The following PLA2G4A variants were observed in gnomAD, a reference collection of about 807,000 sequenced individuals.
The protein encoded by PLA2G4A is phospholipase A2 group IVA.
Under a neutral mutation model 81.9 loss-of-function variants are expected in PLA2G4A, and 40 were observed. That is an observed-to-expected ratio of 0.49 (90% CI 0.38 to 0.64). The LOEUF is 0.64. Ranked by LOEUF, PLA2G4A falls within the 30% of genes least tolerant of loss-of-function variation. The pLI, the probability that PLA2G4A is intolerant of heterozygous loss-of-function variation, is 0.00. For synonymous variants in PLA2G4A, 302 were observed against 296.9 expected (o/e 1.02, Z -0.18); for missense variants, 715 against 905.1 (o/e 0.79, Z 2.69).
chr1:186,964,699 C>T (rs1023375458), intron 14 of PLA2G4A, among the ~76,000 whole-genome samples: 2 of 152,202 alleles, frequency 1.3e-5, no homozygotes, highest in African/African-American at 4.8e-5. Context: ...GCATTTATCA[C>T]GTTATGAAGT....
At chr1:186,948,569 C>T (rs975573049) in intron 12 of PLA2G4A, among the ~76,000 whole-genome samples, 1 of 151,528 alleles carries the variant, frequency 6.6e-6, no homozygotes, top group Non-Finnish European at 1.5e-5. Flanking sequence ...GGCTTGCTTC[C>T]TGTGCCCCTC....
intron 13 of PLA2G4A, among the ~76,000 whole-genome samples, chr1:186,954,904 T>A (rs982485396): frequency 6.6e-6 from 1 of 152,210 alleles, no homozygotes; most frequent in Admixed American, 6.5e-5. Flanking sequence ...CTAGCTAGTG[T>A]TTATTAAGAA....
At chr1:186,862,620 C>A (rs921996444) in intron 2 of PLA2G4A, among the ~76,000 whole-genome samples, 2 of 152,142 alleles carry the variant, frequency 1.3e-5, no homozygotes, top group Non-Finnish European at 2.9e-5. Flanking sequence ...GTTAGCATAT[C>A]CATATTTTCA....
intron 2 of PLA2G4A, among the ~76,000 whole-genome samples, chr1:186,856,020 A>G (rs1652537445): frequency 1.3e-5 from 2 of 152,014 alleles, no homozygotes; most frequent in South Asian, 2.1e-4. Context: ...AGTTCTTTGC[A>G]TTTCCATATA....
intron 8 of PLA2G4A, among the ~76,000 whole-genome samples, chr1:186,934,773 T>C (rs1234054335): frequency 6.6e-6 from 1 of 151,826 alleles, no homozygotes. Context: ...ATTTCACACA[T>C]TGATTTGTGC....
At chr1:186,875,859 G>A (rs1391820514) in intron 3 of PLA2G4A, among the ~76,000 whole-genome samples, 1 of 152,112 alleles carries the variant, frequency 6.6e-6, no homozygotes, top group Non-Finnish European at 1.5e-5. Flanking sequence ...TGAAGTTTAG[G>A]TAAATCCTTG....
chr1:186,960,212 T>C (rs895256197), intron 14 of PLA2G4A, among the ~76,000 whole-genome samples: 2 of 152,180 alleles, frequency 1.3e-5, no homozygotes, highest in Non-Finnish European at 2.9e-5. Flanking sequence ...CTGTTTACTT[T>C]TGTGTTTATC....
intron 17 of PLA2G4A, among the ~76,000 whole-genome samples, chr1:186,986,740 A>T (rs1055033732): frequency 2.6e-5 from 4 of 152,182 alleles, no homozygotes; most frequent in Non-Finnish European, 4.4e-5. Context: ...CAAAACCCCA[A>T]ATTAGTACAT....
At chr1:186,908,426 C>A (rs1255950168) in intron 6 of PLA2G4A, among the ~76,000 whole-genome samples, 1 of 151,842 alleles carries the variant, frequency 6.6e-6, no homozygotes, top group Non-Finnish European at 1.5e-5. Flanking sequence ...AATTCTACTA[C>A]TTTCTAATTA....
intron 17 of PLA2G4A, among the ~76,000 whole-genome samples, chr1:186,980,773 T>C (rs1484267808): frequency 1.7e-5 from 1 of 60,404 alleles, no homozygotes; most frequent in Non-Finnish European, 6.2e-5. Flanking sequence ...TTAATATCTT[T>C]AATTTTTGTA....
chr1:186,988,201 A>G (rs1183178148), intron 17 of PLA2G4A, among the ~76,000 whole-genome samples, 176 bp from the exon 18 acceptor site: 3 of 152,202 alleles, frequency 2.0e-5, no homozygotes, highest in Non-Finnish European at 1.5e-5. Context: ...AAGCTTAACA[A>G]GAGTGCAGTG....
intron 5 of PLA2G4A, among the ~76,000 whole-genome samples, chr1:186,902,376 C>T (rs548499386): frequency 1.3e-5 from 2 of 152,154 alleles, no homozygotes; most frequent in East Asian, 1.9e-4. Context: ...CTTCTAACAA[C>T]CCCACAATAT....
intron 17 of PLA2G4A, among the ~76,000 whole-genome samples, chr1:186,980,730 A>G (rs999847776): frequency 2.6e-5 from 4 of 151,610 alleles, no homozygotes; most frequent in Admixed American, 1.3e-4. Flanking sequence ...ACTGTATGCA[A>G]TCATCACAGT....
chr1:186,950,817 T>G, intron 13 of PLA2G4A, 89 bp downstream of exon 13: 1 of 764,464 alleles, frequency 1.3e-6, no homozygotes, highest in Admixed American at 1.9e-5. Context: ...ATGCTGATGG[T>G]AATCTTCACT....
At position 186,939,019 on chromosome 1, in the gene PLA2G4A, C is replaced by G; in HGVS notation, c.707C>G (p.Thr236Ser). The G allele has an allele frequency of 6.4e-7, 1 of 1,572,594 alleles. No individual in the cohort carries two copies. Among genetic ancestry groups the G allele is most frequent in the Non-Finnish European group, 8.8e-7 (1 of 1,142,542 alleles). The change falls in exon 9 of 18, where the codon ACC becomes AGC. Residue 236 changes from threonine to serine, a missense_variant. By Grantham distance (58) the Thr-to-Ser change is moderately conservative. Transcript: ENST00000367466. Reference sequence around the variant, plus strand: ...TGTTTTCTGTATAGGTATATGTCAACCTTGTATTCTCACCCTGATTTTCCA... The same window carrying G: ...TGTTTTCTGTATAGGTATATGTCAAGCTTGTATTCTCACCCTGATTTTCCA... ...GLSGSTWYMS[T>S]LYSHPDFPEK... is the part of the protein sequence containing the mutation.
rs756014389 is a variant in PLA2G4A at position 186,932,836 on chromosome 1, CATT to C, written c.635_637del (p.Leu212del). 1 of 1,612,362 alleles carries C rather than the reference CATT, an allele frequency of 6.2e-7. No individual in the cohort carries two copies. The highest frequency in any genetic ancestry group is 8.5e-7 in the Non-Finnish European group (1 of 1,178,464). ...GTGGGATTCTCTGGTGTGATGAAGG[CATT>C]ATACGAATCAGGAATTCTGGATTGT... On this transcript the variant is annotated inframe_deletion, in exon 8 of 18. Transcript: ENST00000367466.
chr1:186,920,510 C>T (rs769528107), intron 7 of PLA2G4A, among the ~76,000 whole-genome samples: 4 of 152,222 alleles, frequency 2.6e-5, no homozygotes, highest in Admixed American at 6.5e-5. Flanking sequence ...TCCTTGGGGG[C>T]GCTTGAGCCC....
chr1:186,845,584 T>C (rs1475814897), intron 1 of PLA2G4A, among the ~76,000 whole-genome samples: 1 of 152,124 alleles, frequency 6.6e-6, no homozygotes, highest in Non-Finnish European at 1.5e-5. Flanking sequence ...ATACAATGAG[T>C]TGGAGGGAAA....
intron 2 of PLA2G4A, among the ~76,000 whole-genome samples, chr1:186,869,653 A>G (rs1485003387): frequency 6.6e-6 from 1 of 152,208 alleles, no homozygotes; most frequent in Non-Finnish European, 1.5e-5. Flanking sequence ...CTTTTCAACC[A>G]GTTAAGCAAG....
Sources: gnomAD v4.1 joint callset for allele counts (sites outside exome capture counted in the v4.1 genomes callset) on GRCh38, gnomAD v4.1.1 for gene constraint, MANE v1.5 for transcripts, NCBI Gene and HGNC (gene_info 2026-07-23, HGNC 2026-07-21) for gene names.